Variants in ZBTB41 observed in about 807,000 individuals in gnomAD.
ZBTB41 encodes zinc finger and BTB domain-containing protein 41.
A neutral mutation model predicts 87.6 loss-of-function variants in ZBTB41; 42 were observed. The observed-to-expected ratio is 0.48, with a 90% confidence interval of 0.37 to 0.62. The LOEUF (loss-of-function observed/expected upper bound fraction) is 0.62, where lower values mean the gene tolerates loss of function less well. Among genes scored for constraint, ZBTB41 ranks in the 20% least tolerant of loss-of-function variants. The pLI, the probability that ZBTB41 is intolerant of heterozygous loss-of-function variation, is 0.00. For synonymous variants in ZBTB41, 364 were observed against 364.0 expected, an observed-to-expected ratio of 1.00 and a Z score of 0.00; for missense variants, 799 against 1,078.9, an observed-to-expected ratio of 0.74 and a Z score of 3.63.
intron 5 of ZBTB41, among the ~76,000 whole-genome samples, chr1:197,185,033 C>T (rs572285703): frequency 1.4e-4 from 21 of 152,156 alleles, no homozygotes; most frequent in East Asian, 1.4e-3. Flanking sequence ...AGGCTAGTCT[C>T]GAACTCCTGA....
At chr1:197,161,106 C>T (rs1012612112) in intron 10 of ZBTB41, among the ~76,000 whole-genome samples, 2 of 152,028 alleles carry the variant, frequency 1.3e-5, no homozygotes, top group Non-Finnish European at 2.9e-5. Context: ...TTCCCTATAG[C>T]CCCTGGAAAG....
chr1:197,196,651 G>A (rs1274973858), intron 2 of ZBTB41, among the ~76,000 whole-genome samples: 2 of 152,122 alleles, frequency 1.3e-5, no homozygotes, highest in African/African-American at 2.4e-5. Flanking sequence ...GTCTAGTCTA[G>A]TTAAATTAGA....
intron 7 of ZBTB41, 62 bp from the exon 8 acceptor site, chr1:197,176,732 A>G: frequency 1.8e-6 from 2 of 1,124,860 alleles, no homozygotes; most frequent in Admixed American, 1.8e-5. Flanking sequence ...AAAGCTCAAT[A>G]ATGAATAAAT....
intron 10 of ZBTB41, among the ~76,000 whole-genome samples, chr1:197,165,465 C>G (rs1659314939): frequency 6.6e-6 from 1 of 151,806 alleles, no homozygotes; most frequent in Non-Finnish European, 1.5e-5. Flanking sequence ...AAAAAATTAG[C>G]CGGGCATGGT....
At chr1:197,163,505 A>G (rs114777346) in intron 10 of ZBTB41, among the ~76,000 whole-genome samples, 2,083 of 152,090 alleles carry the variant, frequency 0.014, 39 homozygotes, top group African/African-American at 0.048. Context: ...ACATGTAATC[A>G]AAGTCTCAGG....
intron 2 of ZBTB41, among the ~76,000 whole-genome samples, chr1:197,193,557 C>T (rs376568955): frequency 6.6e-5 from 10 of 152,064 alleles, no homozygotes; most frequent in African/African-American, 2.4e-4. Context: ...ACAAATCAAA[C>T]TAGGGTTTCA....
At position 197,159,217 on chromosome 1, in the gene ZBTB41, CAT is replaced by C. The variant is rs1659138728; in HGVS notation, c.*140_*141del. 1 of 762,054 alleles carries C rather than the reference CAT, an allele frequency of 1.3e-6. No homozygotes were observed. The highest frequency in any genetic ancestry group is 2.1e-6 in the Non-Finnish European group (1 of 481,260). 47.2% of individuals were successfully genotyped at this position (762,054 alleles called of 1,614,324 possible). On this transcript the variant is annotated 3_prime_UTR_variant, in exon 11 of 11. Transcript: ENST00000367405. ...TATTCATGTTCAGTAAACAGAGACACATAGTTTTCTTGATTTGAAACTGTTCT... is the reference window on the plus strand; with the variant it reads ...TATTCATGTTCAGTAAACAGAGACACAGTTTTCTTGATTTGAAACTGTTCT...
At chr1:197,174,630 AAAT>A (rs1659559395) in intron 9 of ZBTB41, among the ~76,000 whole-genome samples, 1 of 152,108 alleles carries the variant, frequency 6.6e-6, no homozygotes, top group Non-Finnish European at 1.5e-5. Flanking sequence ...CCTTCAAATA[AAAT>A]AATATTTTAA....
rs761647582 is a variant in ZBTB41, at chr1:197,159,127, CTAAA to C, written c.*228_*231del. 24 of 460,838 alleles carry C rather than the reference CTAAA, an allele frequency of 5.2e-5. No individual in the cohort carries two copies. Among genetic ancestry groups the C allele is most frequent in the African/African-American group, 3.3e-4 (17 of 50,856 alleles). 28.5% of individuals were successfully genotyped at this position (460,838 alleles called of 1,614,324 possible). ...TTTAAGAAACCATTAAAAGTTAGCACTAAATAATCTTTAAAAATCACAAAAATGT... is the reference window on the plus strand; with the variant it reads ...TTTAAGAAACCATTAAAAGTTAGCACTAATCTTTAAAAATCACAAAAATGT... On this transcript the variant is annotated 3_prime_UTR_variant, in exon 11 of 11. Coordinates refer to ENST00000367405, the MANE Select transcript of ZBTB41 (RefSeq NM_194314.3).
At chr1:197,191,585 T>G (rs1408446262) in intron 3 of ZBTB41, 107 bp downstream of exon 3, 3 of 853,346 alleles carry the variant, frequency 3.5e-6, no homozygotes, top group East Asian at 5.7e-5. Flanking sequence ...TCAATGAATC[T>G]CCAATGAAAG....
chr1:197,158,054 C>G lies in ZBTB41; in HGVS notation c.*1305G>C, dbSNP rs1223081607. 6.6e-6 allele frequency: 1 copy of G among 152,310 alleles called. No individual in the cohort carries two copies. The highest frequency in any genetic ancestry group is 1.5e-5 in the Non-Finnish European group (1 of 67,844). The allele number at this position is 152,310 out of a possible 1,614,324, so 9.4% of individuals were successfully genotyped here. A position where few individuals can be genotyped will look rare whatever the true frequency, so the allele number is the denominator to read the frequency against. On this transcript the variant is annotated 3_prime_UTR_variant, in exon 11 of 11. Transcript: ENST00000367405. ...CTAGTCTAATCTTCAAGCAACTCTA[C>G]TAGGAAACATTATCTTAGTTTTTAG... is the stretch of plus-strand genomic sequence containing the variant.
intron 10 of ZBTB41, among the ~76,000 whole-genome samples, chr1:197,161,835 G>C (rs968665252): frequency 1.3e-5 from 2 of 151,880 alleles, no homozygotes; most frequent in Admixed American, 6.6e-5. Context: ...CATGCAATGA[G>C]CATTCTATAA....
At chr1:197,162,009 G>A (rs1370900061) in intron 10 of ZBTB41, among the ~76,000 whole-genome samples, 1 of 152,020 alleles carries the variant, frequency 6.6e-6, no homozygotes, top group African/African-American at 2.4e-5. Flanking sequence ...TAAGTGCAAC[G>A]ATGTTTTTAA....
chr1:197,198,815 T>A (rs1049227747), intron 2 of ZBTB41, among the ~76,000 whole-genome samples: 4 of 152,170 alleles, frequency 2.6e-5, no homozygotes, highest in Non-Finnish European at 5.9e-5. Context: ...ACTAGGATAC[T>A]ACCTAAAGTC....
intron 7 of ZBTB41, among the ~76,000 whole-genome samples, chr1:197,178,134 C>G (rs1474046940): frequency 6.6e-6 from 1 of 151,796 alleles, no homozygotes; most frequent in Non-Finnish European, 1.5e-5. Context: ...GTTTAACTGA[C>G]TTTTCATTCA....
At position 197,155,264 on chromosome 1, in the gene ZBTB41, CACACTA is replaced by C. The variant is rs1253244264; in HGVS notation, c.*4089_*4094del. On this transcript the variant is annotated 3_prime_UTR_variant, in exon 11 of 11. Coordinates refer to ENST00000367405, the MANE Select transcript of ZBTB41 (RefSeq NM_194314.3). ...TATATAAATCATAAAAACAAATATT[CACACTA>C]ACACTTAGTGCCAATTTGCCTATAT... 4 of 151,898 alleles carry C rather than the reference CACACTA, an allele frequency of 2.6e-5. No homozygotes were observed. Among genetic ancestry groups the C allele is most frequent in the African/African-American group, 9.7e-5 (4 of 41,274 alleles). 9.4% of individuals were successfully genotyped at this position (151,898 alleles called of 1,614,324 possible). A position where few individuals can be genotyped will look rare whatever the true frequency, so the allele number is the denominator to read the frequency against.
At chr1:197,193,580 C>T (rs1279373277) in intron 2 of ZBTB41, among the ~76,000 whole-genome samples, 2 of 152,068 alleles carry the variant, frequency 1.3e-5, no homozygotes, top group African/African-American at 4.8e-5. Context: ...TCTCTGATAA[C>T]ATTGGATACA....
chr1:197,164,133 G>T (rs919939850), intron 10 of ZBTB41, among the ~76,000 whole-genome samples: 2 of 151,946 alleles, frequency 1.3e-5, no homozygotes, highest in African/African-American at 2.4e-5. Flanking sequence ...AAAGATAAGG[G>T]TGTTATAAGG....
chr1:197,173,317 T>C (rs753053636), intron 9 of ZBTB41, among the ~76,000 whole-genome samples: 6 of 152,230 alleles, frequency 3.9e-5, no homozygotes, highest in Admixed American at 2.0e-4. Flanking sequence ...ATGTCCCTCA[T>C]TTTTCAATTC....
Sources: gnomAD v4.1 joint callset for allele counts (sites outside exome capture counted in the v4.1 genomes callset) on GRCh38, gnomAD v4.1.1 for gene constraint, MANE v1.5 for transcripts, NCBI Gene and HGNC (gene_info 2026-07-23, HGNC 2026-07-21) for gene names.